The following CLPB variants were observed in gnomAD, a reference collection of about 807,000 sequenced individuals.
The protein encoded by CLPB is ClpB family mitochondrial disaggregase.
In CLPB, 40 loss-of-function variants were observed where a neutral mutation model predicts 78.4. The ratio of observed to expected loss-of-function variants is 0.51; its 90% CI spans 0.40 to 0.66. The LOEUF is 0.66. Ranked by LOEUF, CLPB falls within the 30% of genes least tolerant of loss-of-function variation. The pLI is 0.00. For synonymous variants in CLPB, 333 were observed against 348.0 expected (o/e 0.96, Z 0.48); for missense variants, 780 against 886.9 (o/e 0.88, Z 1.53).
chr11:72,394,850 G>A (rs567027546), intron 3 of CLPB, among the ~76,000 whole-genome samples: 1 of 152,264 alleles, frequency 6.6e-6, no homozygotes, highest in African/African-American at 2.4e-5. Flanking sequence ...TCCTTGCTGG[G>A]GAATACTGGG....
At chr11:72,320,736 C>T (rs893823460) in intron 6 of CLPB, among the ~76,000 whole-genome samples, 2 of 152,000 alleles carry the variant, frequency 1.3e-5, no homozygotes, top group Admixed American at 1.3e-4. Flanking sequence ...TTTTTTGAGA[C>T]AGAGTCTCAC....
intron 2 of CLPB, among the ~76,000 whole-genome samples, chr11:72,421,825 A>C (rs960585736): frequency 1.3e-5 from 2 of 152,236 alleles, no homozygotes; most frequent in Non-Finnish European, 2.9e-5. Context: ...ACAAGCAATC[A>C]GAGCCTCAGC....
At chr11:72,373,109 T>A in intron 4 of CLPB, 1 of 1,015,134 alleles carries the variant, frequency 9.9e-7, no homozygotes, top group Non-Finnish European at 1.5e-6. Context: ...GTGGGGTTGT[T>A]CCAAGCCCTC....
intron 3 of CLPB, among the ~76,000 whole-genome samples, chr11:72,395,683 T>A (rs1855385012): frequency 6.6e-6 from 1 of 152,142 alleles, no homozygotes; most frequent in Admixed American, 6.5e-5. Flanking sequence ...GTAGCCCTAC[T>A]CTACAGCACG....
chr11:72,393,621 G>A (rs1855316605), intron 3 of CLPB, among the ~76,000 whole-genome samples: 1 of 152,162 alleles, frequency 6.6e-6, no homozygotes, highest in South Asian at 2.1e-4. Flanking sequence ...AGCAGGGACT[G>A]TGCCTTGACT....
At chr11:72,410,139 AG>A (rs1388723963) in intron 2 of CLPB, among the ~76,000 whole-genome samples, 1 of 152,210 alleles carries the variant, frequency 6.6e-6, no homozygotes, top group Admixed American at 6.5e-5. Flanking sequence ...CTGAAGCAGG[AG>A]AATCACTTGA....
chr11:72,433,593 T>A (rs188609086), intron 1 of CLPB, among the ~76,000 whole-genome samples: 5 of 144,328 alleles, frequency 3.5e-5, no homozygotes, highest in South Asian at 4.5e-4. Flanking sequence ...ATAAATAAAT[T>A]GAGGTCAAGC....
intron 2 of CLPB, among the ~76,000 whole-genome samples, chr11:72,412,625 A>T (rs1855912227): frequency 6.6e-6 from 1 of 152,200 alleles, no homozygotes. Flanking sequence ...TGGGCAGATC[A>T]CACTACCCTC....
At chr11:72,411,259 T>A (rs904548248) in intron 2 of CLPB, among the ~76,000 whole-genome samples, 2 of 152,256 alleles carry the variant, frequency 1.3e-5, no homozygotes, top group Admixed American at 6.5e-5. Flanking sequence ...TTACCTGTTT[T>A]ATAACTGTAA....
At chr11:72,377,674 G>A (rs79027294) in intron 4 of CLPB, among the ~76,000 whole-genome samples, 1 of 150,556 alleles carries the variant, frequency 6.6e-6, no homozygotes. Flanking sequence ...GGGAAGGGAA[G>A]GGGAAGGGAA....
rs1386874359 is a variant in CLPB at position 72,293,064 on chromosome 11, G to A, written c.*303C>T. 2 of 300,544 alleles carry A rather than the reference G, an allele frequency of 6.7e-6. No homozygotes were observed. The highest frequency in any genetic ancestry group is 6.4e-6 in the Non-Finnish European group (1 of 157,140). The allele number at this position is 300,544 out of a possible 1,614,324, so 18.6% of individuals were successfully genotyped here. Reference sequence around the variant, plus strand: ...AAGTCTGGCGACTATGGGGGATGGGGATCATTCTGAAGGAAATAAGGGACC... The same window carrying A: ...AAGTCTGGCGACTATGGGGGATGGGAATCATTCTGAAGGAAATAAGGGACC... On this transcript the variant is annotated 3_prime_UTR_variant, in exon 16 of 16. Transcript: ENST00000538039.
At chr11:72,403,194 CAT>C (rs1855614822) in intron 2 of CLPB, 142 bp from the exon 3 acceptor site, 2 of 815,690 alleles carry the variant, frequency 2.5e-6, no homozygotes, top group Admixed American at 4.5e-5. Context: ...GAAGAAATGA[CAT>C]AGTCAACAAA....
At chr11:72,339,817 T>G (rs114334183) in intron 5 of CLPB, among the ~76,000 whole-genome samples, 26 of 152,338 alleles carry the variant, frequency 1.7e-4, no homozygotes, top group African/African-American at 6.3e-4. Flanking sequence ...TAGTTTAGAT[T>G]AAGTCAGAGT....
At chr11:72,421,529 G>A (rs1856197731) in intron 2 of CLPB, among the ~76,000 whole-genome samples, 1 of 152,216 alleles carries the variant, frequency 6.6e-6, no homozygotes, top group Admixed American at 6.5e-5. Context: ...GATCCTGGGA[G>A]AGTGATGAGA....
Position 72,408,128 on chromosome 11 carries a change from G to A in CLPB, c.456-5076C>T, listed in dbSNP as rs1257335932. 3.9e-6 allele frequency: 6 copies of A among 1,535,390 alleles called. No homozygotes were observed. The South Asian group carries it at 7.1e-5, about 18-fold the overall frequency. On this transcript the variant is annotated intron_variant, in intron 2 of 15. Coordinates refer to ENST00000538039, the MANE Select transcript of CLPB (RefSeq NM_001258392.3). The stretch of plus-strand genomic sequence containing the variant: ...GGGCCATTCAGAGGAGGAAATCTTG[G>A]TGTTCTTCAGTGAGACTCCAGCATT...
Position 72,423,978 on chromosome 11 carries a change from T to C in CLPB, c.455+6334A>G, listed in dbSNP as rs962199637. 5.9e-5 allele frequency among the ~76,000 whole-genome samples: 9 copies of C among 152,242 alleles called. No individual in the cohort carries two copies. The East Asian group carries it at 1.7e-3, about 29-fold the overall frequency. On this transcript the variant is annotated intron_variant, in intron 2 of 15. Transcript: ENST00000538039. ...ATTAAGAGTTCACTTCAGTCTCATT[T>C]ACCAGAAGCTTTGATCTAGGACTTT... is the stretch of plus-strand genomic sequence containing the variant.
Position 72,317,104 on chromosome 11 carries a change from A to T in CLPB, c.988+2T>A. 6.2e-7 allele frequency: 1 copy of T among 1,606,350 alleles called. No individual in the cohort carries two copies. Among genetic ancestry groups the T allele is most frequent in the Non-Finnish European group, 8.5e-7 (1 of 1,176,140 alleles). ...GCCCTTTCTGGTGTCCCACACACTCACCAGCACCCACTGTGGCGATGGCGC... is the reference window on the plus strand; with the variant it reads ...GCCCTTTCTGGTGTCCCACACACTCTCCAGCACCCACTGTGGCGATGGCGC... On this transcript the variant is annotated splice_donor_variant, in intron 7 of 15. Coordinates refer to ENST00000538039, the MANE Select transcript of CLPB (RefSeq NM_001258392.3). LOFTEE classifies it high-confidence loss of function.
intron 1 of CLPB, among the ~76,000 whole-genome samples, chr11:72,431,263 C>A (rs868663367): frequency 1.3e-5 from 2 of 152,178 alleles, no homozygotes; most frequent in Non-Finnish European, 2.9e-5. Context: ...GTACATGGAG[C>A]CCTCTGTGCC....
chr11:72,345,547 C>T (rs12421674), intron 5 of CLPB, among the ~76,000 whole-genome samples: 28,299 of 152,070 alleles, frequency 0.19, 4,369 homozygotes, highest in African/African-American at 0.43. Flanking sequence ...TACAAGGGGT[C>T]AGGACTCACT....
Sources: allele counts gnomAD v4.1 joint callset (sites outside exome capture counted in the v4.1 genomes callset), GRCh38; gene constraint gnomAD v4.1.1; transcripts MANE v1.5; gene names NCBI Gene and HGNC (gene_info 2026-07-23, HGNC 2026-07-21).